The following CAMK2B variants were observed in gnomAD, a reference collection of about 807,000 sequenced individuals.
CAMK2B encodes the protein calcium/calmodulin-dependent protein kinase type II subunit beta.
Under a neutral mutation model 93.7 loss-of-function variants are expected in CAMK2B, and 27 were observed. That is an observed-to-expected ratio of 0.29 (90% CI 0.21 to 0.40). The LOEUF is 0.40. Ranked by LOEUF, CAMK2B falls within the 10% of genes least tolerant of loss-of-function variation. CAMK2B has a pLI of 1.00. For missense variants in CAMK2B, 568 were observed against 895.8 expected (o/e 0.63, Z 4.67); for synonymous variants, 374 against 358.8 (o/e 1.04, Z -0.48).
chr7:44,258,812 T>A, intron 4 of CAMK2B, 60 bp downstream of exon 4: 1 of 1,511,886 alleles, frequency 6.6e-7, no homozygotes, highest in Non-Finnish European at 9.1e-7. Flanking sequence ...AGGCTGCAGA[T>A]CCCACCCTGA....
chr7:44,320,655 C>A (rs574577163), intron 1 of CAMK2B, among the ~76,000 whole-genome samples: 1 of 152,326 alleles, frequency 6.6e-6, no homozygotes, highest in Admixed American at 6.5e-5. Flanking sequence ...ATAAAAATAC[C>A]ATTAAATAGT....
intron 20 of CAMK2B, 52 bp from the exon 21 acceptor site, chr7:44,220,953 G>GA: frequency 6.7e-7 from 1 of 1,487,844 alleles, no homozygotes. Context: ...ATTCCCCCCG[G>GA]ACCCCTCCAC....
At chr7:44,250,052 C>T (rs893834635) in intron 5 of CAMK2B, among the ~76,000 whole-genome samples, 1 of 152,254 alleles carries the variant, frequency 6.6e-6, no homozygotes. Context: ...GTCACGCAGC[C>T]TCCAGGCCCT....
Position 44,220,888 on chromosome 7 carries a change from C to G in CAMK2B, c.1611G>C (p.Glu537Asp). The G allele has an allele frequency of 6.4e-7, 1 of 1,569,230 alleles. No homozygotes were observed. Among genetic ancestry groups the G allele is most frequent in the Non-Finnish European group, 8.7e-7 (1 of 1,156,056 alleles). Residue 537 changes from glutamate (E) to aspartate (D), a missense_variant, in exon 21 of 24, where the codon GAG becomes GAC. By Grantham distance (45) the Glu-to-Asp change is conservative. Around this residue, in one of 4 missense-constraint regions of CAMK2B, gnomAD observed 308 missense variants for 292.1 expected, o/e 1.05. Transcript: ENST00000395749. ...TGAGCTGCTCCGTGGTCTTAATGAT[C>G]TCCTGCTTCCGGGCTGTGGGGAGAC... ...GPLPTPSRKQ[E>D]IIKTTEQLIE... is the part of the protein sequence containing the mutation.
chr7:44,288,025 G>A (rs1288330782), intron 1 of CAMK2B, among the ~76,000 whole-genome samples: 1 of 152,256 alleles, frequency 6.6e-6, no homozygotes, highest in Non-Finnish European at 1.5e-5. Flanking sequence ...GGAGCATGGA[G>A]TTGCTGGGCC....
intron 1 of CAMK2B, among the ~76,000 whole-genome samples, chr7:44,294,872 G>A (rs143655381): frequency 1.3e-5 from 2 of 152,306 alleles, no homozygotes; most frequent in Non-Finnish European, 2.9e-5. Flanking sequence ...GCAAACAGCT[G>A]AGTCAGATAC....
At chr7:44,287,078 C>T (rs747709366) in intron 1 of CAMK2B, among the ~76,000 whole-genome samples, 13 of 152,066 alleles carry the variant, frequency 8.5e-5, no homozygotes, top group Non-Finnish European at 1.6e-4. Context: ...CCTTTCCCAG[C>T]GACTTGGATG....
In CAMK2B at chr7:44,225,324, G is replaced by T. The variant is rs1357712887; in HGVS notation, c.1597+1192C>A. ...AAATCAGATGAGCTGCTGTAGAAGT[G>T]GCAGGTGTCGGGGGTTCTGACCACT... On this transcript the variant is annotated intron_variant, in intron 20 of 23. Transcript: ENST00000395749. This position sits in a 1 kb window ranked among gnomAD's most constrained non-coding sequence, Gnocchi z 5.0. Among the ~76,000 whole-genome samples the T allele has an allele frequency of 6.6e-6, 1 of 152,152 alleles. No individual in the cohort carries two copies. Among genetic ancestry groups the T allele is most frequent in the African/African-American group, 2.4e-5 (1 of 41,438 alleles).
At chr7:44,250,229 C>G (rs1166828113) in intron 5 of CAMK2B, among the ~76,000 whole-genome samples, 2 of 152,226 alleles carry the variant, frequency 1.3e-5, no homozygotes, top group African/African-American at 4.8e-5. Context: ...TCATATTGCC[C>G]TTGTCCTGGT....
chr7:44,291,690 C>G (rs920364681), intron 1 of CAMK2B, among the ~76,000 whole-genome samples: 1 of 152,218 alleles, frequency 6.6e-6, no homozygotes, highest in Non-Finnish European at 1.5e-5. Flanking sequence ...CTCAAGTTGA[C>G]GCACCACTGA....
intron 3 of CAMK2B, among the ~76,000 whole-genome samples, chr7:44,261,398 G>A (rs1310798920): frequency 1.3e-5 from 2 of 152,254 alleles, no homozygotes; most frequent in African/African-American, 4.8e-5. Context: ...GGGAGGCCCT[G>A]TCATCTATGA....
intron 1 of CAMK2B, among the ~76,000 whole-genome samples, chr7:44,296,125 A>G (rs965475642): frequency 6.6e-6 from 1 of 152,228 alleles, no homozygotes; most frequent in African/African-American, 2.4e-5. Context: ...ATGCACCAGA[A>G]CCAGACTCAG....
At chr7:44,307,748 T>G (rs1792307397) in intron 1 of CAMK2B, among the ~76,000 whole-genome samples, 1 of 152,142 alleles carries the variant, frequency 6.6e-6, no homozygotes, top group Non-Finnish European at 1.5e-5. Context: ...GTGGGAACTC[T>G]GAGGGGAACG....
At chr7:44,314,131 A>G (rs1420302859) in intron 1 of CAMK2B, among the ~76,000 whole-genome samples, 1 of 152,206 alleles carries the variant, frequency 6.6e-6, no homozygotes, top group African/African-American at 2.4e-5. Flanking sequence ...TTGAGATTTA[A>G]TTCATATACC....
chr7:44,228,645 C>T, intron 19 of CAMK2B, 151 bp downstream of exon 19: 1 of 645,894 alleles, frequency 1.5e-6, no homozygotes, highest in Non-Finnish European at 2.3e-6. Context: ...GCATGGGAGC[C>T]CACAGGAAGC....
rs199582513 is a variant in CAMK2B, at chr7:44,312,269, T to C, written c.65+13088A>G. ...CATCCTCAGCCCACACTGGGGGAAA[T>C]AGTTCAGCCAGGTGTCAGTGGCGAG... On this transcript the variant is annotated intron_variant, in intron 1 of 23. Transcript: ENST00000395749. This position sits in a 1 kb window ranked among gnomAD's most constrained non-coding sequence, Gnocchi z 4.1. Among the ~76,000 whole-genome samples the C allele has an allele frequency of 5.3e-5, 8 of 151,722 alleles. No individual in the cohort carries two copies. In the East Asian group the frequency reaches 7.8e-4, roughly 15 times the overall value.
chr7:44,264,559 G>A, intron 2 of CAMK2B, among the ~76,000 whole-genome samples: 1 of 152,224 alleles, frequency 6.6e-6, no homozygotes, highest in East Asian at 1.9e-4. Flanking sequence ...GGATTCAGAG[G>A]GATCTGGCAG....
intron 12 of CAMK2B, among the ~76,000 whole-genome samples, chr7:44,239,981 TTACAGCATCACA>T: frequency 6.6e-6 from 1 of 152,146 alleles, no homozygotes; most frequent in Non-Finnish European, 1.5e-5. Flanking sequence ...GTTCCCGGCA[TTACAGCATCACA>T]GCAAAAGTAA....
intron 4 of CAMK2B, among the ~76,000 whole-genome samples, chr7:44,258,466 A>G (rs889428418): frequency 2.0e-5 from 3 of 152,212 alleles, no homozygotes; most frequent in Non-Finnish European, 2.9e-5. Context: ...AGCCACACTC[A>G]TAAACACACA....
Sources: gnomAD v4.1 joint callset for allele counts (sites outside exome capture counted in the v4.1 genomes callset) on GRCh38, gnomAD v4.1.1 for gene constraint, gnomAD v4.1.1 regional missense constraint, Gnocchi (gnomAD v3.1) non-coding constraint, MANE v1.5 for transcripts, NCBI Gene and HGNC (gene_info 2026-07-23, HGNC 2026-07-21) for gene names.